The following CNTN1 variants were observed in gnomAD, a reference collection of about 807,000 sequenced individuals.
CNTN1 encodes the protein contactin-1.
A neutral mutation model predicts 126.4 loss-of-function variants in CNTN1; 38 were observed. That is an observed-to-expected ratio of 0.30 (90% confidence interval 0.23 to 0.39). The LOEUF (loss-of-function observed/expected upper bound fraction) is 0.39, where lower values mean the gene tolerates loss of function less well. Among genes scored for constraint, CNTN1 ranks in the 10% least tolerant of loss-of-function variants. CNTN1 has a pLI of 1.00. For missense variants in CNTN1, 1,009 were observed against 1,248.4 expected, an observed-to-expected ratio of 0.81 and a Z score of 2.89; for synonymous variants, 413 against 422.6, an observed-to-expected ratio of 0.98 and a Z score of 0.28.
intron 21 of CNTN1, among the ~76,000 whole-genome samples, chr12:41,026,892 G>A (rs1035184211): frequency 6.6e-6 from 1 of 152,138 alleles, no homozygotes; most frequent in Admixed American, 6.6e-5. Context: ...GGAGAGAATT[G>A]ATAGTGGCTA....
intron 1 of CNTN1, among the ~76,000 whole-genome samples, chr12:40,804,177 G>A (rs1212946351): frequency 1.3e-5 from 2 of 151,896 alleles, no homozygotes; most frequent in African/African-American, 2.4e-5. Context: ...AGACAGATCA[G>A]GTAAAAGCAG....
At chr12:40,799,540 C>G (rs1422469626) in intron 1 of CNTN1, among the ~76,000 whole-genome samples, 1 of 151,822 alleles carries the variant, frequency 6.6e-6, no homozygotes, top group Non-Finnish European at 1.5e-5. Flanking sequence ...ACACTTGGCT[C>G]TCCTTGTGAG....
chr12:40,729,563 G>A (rs1282583599), intron 1 of CNTN1: 4 of 229,634 alleles, frequency 1.7e-5, no homozygotes, highest in Non-Finnish European at 2.9e-5. Flanking sequence ...TTGATACAGA[G>A]AATTGGGAAA....
At chr12:41,028,786 C>A (rs1949085603) in intron 22 of CNTN1, among the ~76,000 whole-genome samples, 1 of 152,048 alleles carries the variant, frequency 6.6e-6, no homozygotes, top group Admixed American at 6.6e-5. Context: ...AAGACTCATT[C>A]TTTCTATATT....
At chr12:40,832,631 A>T (rs1941889679) in intron 1 of CNTN1, among the ~76,000 whole-genome samples, 1 of 152,168 alleles carries the variant, frequency 6.6e-6, no homozygotes, top group Non-Finnish European at 1.5e-5. Context: ...GCATAACTGT[A>T]TTGTATTAAC....
At chr12:41,014,688 C>T (rs1039331947) in intron 18 of CNTN1, among the ~76,000 whole-genome samples, 1 of 152,150 alleles carries the variant, frequency 6.6e-6, no homozygotes, top group African/African-American at 2.4e-5. Context: ...TGGAGACTGC[C>T]TCCTCACTTG....
intron 9 of CNTN1, among the ~76,000 whole-genome samples, chr12:40,934,116 TTATTGGTAA>T (rs1198231586): frequency 2.0e-5 from 3 of 152,090 alleles, no homozygotes; most frequent in Non-Finnish European, 4.4e-5. Flanking sequence ...GATAGAAGTG[TTATTGGTAA>T]TTTTCAGAAT....
At chr12:41,063,114 G>A (rs949731560) in intron 23 of CNTN1, among the ~76,000 whole-genome samples, 1 of 152,170 alleles carries the variant, frequency 6.6e-6, no homozygotes, top group Non-Finnish European at 1.5e-5. Flanking sequence ...AAATTCGAAC[G>A]CTGCACCTAC....
At chr12:40,726,082 T>C (rs1942344608) in intron 1 of CNTN1, among the ~76,000 whole-genome samples, 1 of 152,180 alleles carries the variant, frequency 6.6e-6, no homozygotes, top group East Asian at 1.9e-4. Flanking sequence ...AATAAAACCT[T>C]TGTTTAATGA....
At position 41,071,283 on chromosome 12, in the gene CNTN1, G is replaced by C. The variant is rs1049806099; in HGVS notation, c.*1248G>C. The C allele has an allele frequency of 2.0e-5, 3 of 152,152 alleles. No individual in the cohort carries two copies. The highest frequency in any genetic ancestry group is 4.4e-5 in the Non-Finnish European group (3 of 68,030). The allele number at this position is 152,152 out of a possible 1,614,324, so 9.4% of individuals were successfully genotyped here. ...TTGGTGCTTTGGGTTTTTATAAGTT[G>C]TGAAAAGGAAGATGCACATTTCTTC... is the stretch of plus-strand genomic sequence containing the variant. On this transcript the variant is annotated 3_prime_UTR_variant, in exon 24 of 24. Transcript: ENST00000551295.
At chr12:40,839,246 TAAA>T (rs771228638) in intron 1 of CNTN1, among the ~76,000 whole-genome samples, 2 of 152,010 alleles carry the variant, frequency 1.3e-5, no homozygotes, top group Non-Finnish European at 2.9e-5. Flanking sequence ...AAAAAAAACT[TAAA>T]AAGAATGAGC....
intron 14 of CNTN1, among the ~76,000 whole-genome samples, chr12:40,958,913 A>T (rs1354766455): frequency 6.6e-6 from 1 of 152,104 alleles, no homozygotes; most frequent in Non-Finnish European, 1.5e-5. Flanking sequence ...AAGCTAAAAA[A>T]TACCTTATCA....
intron 1 of CNTN1, among the ~76,000 whole-genome samples, chr12:40,835,155 A>G (rs549920188): frequency 6.6e-6 from 1 of 152,310 alleles, no homozygotes; most frequent in East Asian, 1.9e-4. Flanking sequence ...CAGTGTCTCA[A>G]TGAGGATAAA....
At chr12:40,808,018 A>G (rs997296472) in intron 1 of CNTN1, among the ~76,000 whole-genome samples, 3 of 152,108 alleles carry the variant, frequency 2.0e-5, no homozygotes, top group Non-Finnish European at 4.4e-5. Context: ...ACTGCCTTTG[A>G]TAGTTTCTTA....
chr12:40,918,818 A>G (rs1205637983), intron 4 of CNTN1, 47 bp downstream of exon 4: 1 of 1,604,474 alleles, frequency 6.2e-7, no homozygotes, highest in Admixed American at 1.7e-5. Flanking sequence ...CAGAGTAATG[A>G]TCACAGATCA....
chr12:41,054,978 C>T (rs1307165005), intron 23 of CNTN1, among the ~76,000 whole-genome samples: 1 of 152,102 alleles, frequency 6.6e-6, no homozygotes, highest in Admixed American at 6.6e-5. Flanking sequence ...GATTAGGCAT[C>T]ATTCCAAGTA....
chr12:40,962,634 G>A (rs1386303610), intron 15 of CNTN1, among the ~76,000 whole-genome samples: 2 of 152,004 alleles, frequency 1.3e-5, no homozygotes, highest in South Asian at 2.1e-4. Context: ...AAATGTCCCC[G>A]ATAATAAGAT....
At chr12:40,701,244 A>G (rs1026736914) in intron 1 of CNTN1, among the ~76,000 whole-genome samples, 1 of 152,186 alleles carries the variant, frequency 6.6e-6, no homozygotes, top group African/African-American at 2.4e-5. Flanking sequence ...ATCTTTCACT[A>G]CAGTAATTTA....
In CNTN1 at chr12:40,776,977, C is replaced by T. The variant is rs191900290; in HGVS notation, c.-77+84385C>T. On this transcript the variant is annotated intron_variant, in intron 1 of 23. Coordinates refer to ENST00000551295, the MANE Select transcript of CNTN1 (RefSeq NM_001843.4). The stretch of plus-strand genomic sequence containing the variant: ...CACCTCTCCCAGTCTTAAATTCTTC[C>T]CACTTATGTCCCCTGATTCTCTTGG... Among the ~76,000 whole-genome samples the T allele has an allele frequency of 5.1e-4, 77 of 151,568 alleles. No individual in the cohort carries two copies. In the South Asian group the frequency reaches 9.1e-3, roughly 18 times the overall value.
Sources: gnomAD v4.1 joint callset for allele counts (sites outside exome capture counted in the v4.1 genomes callset) on GRCh38, gnomAD v4.1.1 for gene constraint, MANE v1.5 for transcripts, NCBI Gene and HGNC (gene_info 2026-07-23, HGNC 2026-07-21) for gene names.